The following TTC28 variants were observed in gnomAD, a reference collection of about 807,000 sequenced individuals.
TTC28 encodes the protein tetratricopeptide repeat protein 28.
In TTC28, 61 loss-of-function variants were observed where a neutral mutation model predicts 198.0. The observed-to-expected ratio is 0.31, with a 90% CI of 0.25 to 0.38. TTC28 has a LOEUF of 0.38. Among genes scored for constraint, TTC28 ranks in the 10% least tolerant of loss-of-function variants. The pLI is 1.00. For synonymous variants in TTC28, 1,171 were observed against 1,297.8 expected (o/e 0.90, Z 2.10); for missense variants, 2,678 against 3,164.0 (o/e 0.85, Z 3.69).
At chr22:28,483,985 A>G (rs1183893464) in intron 2 of TTC28, among the ~76,000 whole-genome samples, 2 of 152,168 alleles carry the variant, frequency 1.3e-5, no homozygotes, top group African/African-American at 4.8e-5. Flanking sequence ...TTTTTTCATA[A>G]TTTATAATTC....
chr22:28,418,946 A>C (rs1261476762), intron 2 of TTC28, among the ~76,000 whole-genome samples: 1 of 152,204 alleles, frequency 6.6e-6, no homozygotes, highest in African/African-American at 2.4e-5. Flanking sequence ...AACAAAATCA[A>C]AGAGCTTAAA....
chr22:28,149,319 G>A (rs2147010804), intron 6 of TTC28, among the ~76,000 whole-genome samples: 1 of 152,296 alleles, frequency 6.6e-6, no homozygotes, highest in Admixed American at 6.5e-5. Context: ...GTTCACTGAA[G>A]CATTATTCAC....
intron 2 of TTC28, among the ~76,000 whole-genome samples, chr22:28,562,123 A>G (rs750438546): frequency 2.0e-5 from 3 of 152,210 alleles, no homozygotes; most frequent in Non-Finnish European, 4.4e-5. Context: ...AAAATACTAA[A>G]GCATAGTAAT....
intron 2 of TTC28, among the ~76,000 whole-genome samples, chr22:28,495,622 GAATTA>G (rs1436499178): frequency 6.6e-6 from 1 of 152,088 alleles, no homozygotes. Flanking sequence ...AAAAAATAGT[GAATTA>G]AATATAAGGG....
chr22:28,343,609 T>A (rs905871987), intron 2 of TTC28, among the ~76,000 whole-genome samples: 1 of 152,168 alleles, frequency 6.6e-6, no homozygotes, highest in Admixed American at 6.5e-5. Context: ...ATTACTTTTA[T>A]GGAGCACAAG....
intron 12 of TTC28, among the ~76,000 whole-genome samples, chr22:28,054,531 T>G (rs1207901686): frequency 1.3e-5 from 2 of 151,742 alleles, no homozygotes; most frequent in Non-Finnish European, 2.9e-5. Flanking sequence ...AAGAGAGGGG[T>G]GTTGCCAAGG....
In TTC28 at chr22:27,999,088, A is replaced by G; in HGVS notation, c.4571T>C (p.Val1524Ala). Residue 1524 changes from valine (V) to alanine (A), a missense_variant, in exon 16 of 23, where the codon GTG becomes GCG. This residue lies in a region of TTC28 where 727 missense variants were observed against 861.9 expected (regional missense o/e 0.84). Coordinates refer to ENST00000397906, the MANE Select transcript of TTC28 (RefSeq NM_001145418.2). ...CCTCTCCTTGGTGGCCACACTGCCC[A>G]CTAGGGGCTGGCAGCCCAGCAGCTC... ...VSELLGCQPL[V>A]GSVATKERVM... The G allele has an allele frequency of 6.4e-7, 1 of 1,550,642 alleles. No homozygotes were observed. Among genetic ancestry groups the G allele is most frequent in the South Asian group, 1.2e-5 (1 of 84,066 alleles).
chr22:28,547,864 A>G (rs1232793541), intron 2 of TTC28, among the ~76,000 whole-genome samples: 1 of 151,920 alleles, frequency 6.6e-6, no homozygotes, highest in Non-Finnish European at 1.5e-5. Flanking sequence ...ACAGTTAAAT[A>G]CTCGCTAAAG....
chr22:28,335,078 G>C (rs1380753260), intron 2 of TTC28, among the ~76,000 whole-genome samples: 1 of 152,140 alleles, frequency 6.6e-6, no homozygotes, highest in Non-Finnish European at 1.5e-5. Context: ...CATATGGCTA[G>C]CCAGTCTTCC....
chr22:28,527,716 GC>G (rs1378363596), intron 2 of TTC28, among the ~76,000 whole-genome samples: 1 of 152,094 alleles, frequency 6.6e-6, no homozygotes, highest in Non-Finnish European at 1.5e-5. Flanking sequence ...GCTCACTGCA[GC>G]CTTGACCTCC....
At chr22:28,505,256 C>CAAAAA (rs35503278) in intron 2 of TTC28, among the ~76,000 whole-genome samples, 1 of 75,394 alleles carries the variant, frequency 1.3e-5, no homozygotes, top group African/African-American at 5.1e-5. Context: ...GACTCCGTCT[C>CAAAAA]AAAAAAAAAA....
intron 2 of TTC28, among the ~76,000 whole-genome samples, chr22:28,412,798 G>C (rs749537675): frequency 2.0e-5 from 3 of 152,144 alleles, no homozygotes; most frequent in Non-Finnish European, 4.4e-5. Context: ...GGAGGAAATG[G>C]GGCAGGTGGG....
chr22:28,463,808 G>GA (rs2047982652), intron 2 of TTC28, among the ~76,000 whole-genome samples: 1 of 152,038 alleles, frequency 6.6e-6, no homozygotes, highest in Admixed American at 6.6e-5. Context: ...TATACCTAAT[G>GA]TAAATGACAA....
chr22:28,304,779 T>C (rs541601424), intron 3 of TTC28, among the ~76,000 whole-genome samples: 2 of 152,206 alleles, frequency 1.3e-5, no homozygotes, highest in South Asian at 4.1e-4. Context: ...AATAAAGAGG[T>C]AGTATCTTCA....
intron 13 of TTC28, among the ~76,000 whole-genome samples, chr22:28,020,778 A>AACACACACAC (rs34174077): frequency 5.4e-5 from 8 of 148,898 alleles, no homozygotes; most frequent in African/African-American, 2.0e-4. Flanking sequence ...CCCCTCCCCC[A>AACACACACAC]ACACACACAC....
intron 12 of TTC28, among the ~76,000 whole-genome samples, chr22:28,069,090 A>C (rs544865133): frequency 1.2e-4 from 18 of 152,314 alleles, no homozygotes; most frequent in Admixed American, 4.6e-4. Context: ...CAAAACCTCC[A>C]AAAAGACAGC....
intron 12 of TTC28, among the ~76,000 whole-genome samples, chr22:28,055,153 A>G (rs1239144815): frequency 2.0e-5 from 3 of 152,238 alleles, no homozygotes; most frequent in Non-Finnish European, 4.4e-5. Flanking sequence ...GGTAATGTCT[A>G]TTCTTTCATT....
Position 27,982,302 on chromosome 22 carries a change from G to A in TTC28, c.7365C>T (p.Pro2455=), listed in dbSNP as rs902487079. ...PLPAGPPATA[P]ARPLRLPSGN... ...CAGAAGGAAGCCTCAAAGGGCGCGCGGGGGCTGTGGCGGGAGGGCCGGCGG... is the reference window on the plus strand; with the variant it reads ...CAGAAGGAAGCCTCAAAGGGCGCGCAGGGGCTGTGGCGGGAGGGCCGGCGG... The change falls in exon 23 of 23, where the codon CCC becomes CCT. Residue 2455 remains proline, a synonymous_variant. Coordinates refer to ENST00000397906, the MANE Select transcript of TTC28 (RefSeq NM_001145418.2). The surrounding 1 kb of genome is among the most constrained non-coding windows in gnomAD (Gnocchi z 5.2). 25 of 1,519,872 alleles carry A rather than the reference G, an allele frequency of 1.6e-5. No individual in the cohort carries two copies. Among genetic ancestry groups the A allele is most frequent in the Admixed American group, 6.5e-5 (3 of 46,510 alleles). 94.1% of individuals were successfully genotyped at this position (1,519,872 alleles called of 1,614,324 possible). A position where few individuals can be genotyped will look rare whatever the true frequency, so the allele number is the denominator to read the frequency against.
chr22:28,637,758 A>C (rs1398799982), intron 1 of TTC28, among the ~76,000 whole-genome samples: 1 of 152,028 alleles, frequency 6.6e-6, no homozygotes, highest in Non-Finnish European at 1.5e-5. Context: ...TTTAAATTAA[A>C]AAAAAAAAAC....
Sources: gnomAD v4.1 joint callset for allele counts (sites outside exome capture counted in the v4.1 genomes callset) on GRCh38, gnomAD v4.1.1 for gene constraint, gnomAD v4.1.1 regional missense constraint, Gnocchi (gnomAD v3.1) non-coding constraint, MANE v1.5 for transcripts, NCBI Gene and HGNC (gene_info 2026-07-23, HGNC 2026-07-21) for gene names.